The following DBP variants were observed in gnomAD, a reference collection of about 807,000 sequenced individuals.
DBP encodes D-box binding PAR bZIP transcription factor.
In DBP, 12 loss-of-function variants were observed where a neutral mutation model predicts 21.4. The observed-to-expected ratio is 0.56, with a 90% CI of 0.36 to 0.91. The LOEUF is 0.91. DBP is among the 40% of genes least tolerant of loss of function. The pLI is 0.01. For missense variants in DBP, 423 were observed against 473.4 expected (o/e 0.89, Z 0.99); for synonymous variants, 213 against 224.9 (o/e 0.95, Z 0.47).
intron 2 of DBP, chr19:48,635,302 C>T: frequency 1.6e-6 from 2 of 1,252,390 alleles, no homozygotes; most frequent in South Asian, 1.6e-5. Flanking sequence ...GTATCCACAT[C>T]GTTTGTCCCC....
At chr19:48,633,825 G>T (rs2030684720) in intron 2 of DBP, 170 bp from the exon 3 acceptor site, 1 of 633,912 alleles carries the variant, frequency 1.6e-6, no homozygotes, top group African/African-American at 1.8e-5. Flanking sequence ...CCTTGGCCAG[G>T]CGCAGTGGCT....
intron 2 of DBP, chr19:48,634,240 G>A (rs1006308334): frequency 5.1e-5 from 8 of 157,338 alleles, no homozygotes; most frequent in Non-Finnish European, 8.5e-5. Context: ...CACGAATCAG[G>A]GCTATTGCTT....
In DBP at chr19:48,637,021, G is replaced by A; in HGVS notation, c.-27C>T. ...GCCTGGCACCTGCCCCCAGGCTCAC[G>A]GGTTCATGGAGAGGCGAAGGGCTGG... On this transcript the variant is annotated 5_prime_UTR_variant, in exon 1 of 4. Coordinates refer to ENST00000222122, the MANE Select transcript of DBP (RefSeq NM_001352.5). 1 of 1,466,252 alleles carries A rather than the reference G, an allele frequency of 6.8e-7. No individual in the cohort carries two copies. 90.8% of individuals were successfully genotyped at this position (1,466,252 alleles called of 1,614,324 possible). A position where few individuals can be genotyped will look rare whatever the true frequency, so the allele number is the denominator to read the frequency against.
chr19:48,636,649 C>A (rs2030813766), intron 1 of DBP, among the ~76,000 whole-genome samples: 1 of 152,052 alleles, frequency 6.6e-6, no homozygotes, highest in South Asian at 2.1e-4. Context: ...GTGCCTGGGT[C>A]CTTAGGGTGG....
chr19:48,632,526 A>C (rs1245542752), intron 3 of DBP: 1 of 152,178 alleles, frequency 6.6e-6, no homozygotes, highest in African/African-American at 2.4e-5. Context: ...CAGCCTCCTA[A>C]AGTGCTAGGA....
chr19:48,633,239 GC>G (rs1304465919), intron 3 of DBP: 2 of 651,824 alleles, frequency 3.1e-6, no homozygotes, highest in African/African-American at 3.6e-5. Flanking sequence ...GAGGCCCCTC[GC>G]CCAGTTGACA....
intron 3 of DBP, 65 bp downstream of exon 3, chr19:48,633,379 G>A (rs1276627857): frequency 9.3e-6 from 14 of 1,497,874 alleles, no homozygotes; most frequent in Non-Finnish European, 1.3e-5. Flanking sequence ...TGTGAGAAAA[G>A]GCCCCTCCCT....
Position 48,630,201 on chromosome 19 carries a change from C to T in DBP, c.*636G>A, listed in dbSNP as rs955341357. ...GCCCGCAGCCTCGCCCCATCCACTC[C>T]GGTGCCTCCATTTAGCTGGCCAATC... On this transcript the variant is annotated 3_prime_UTR_variant, in exon 4 of 4. Coordinates refer to ENST00000222122, the MANE Select transcript of DBP (RefSeq NM_001352.5). This position sits in a 1 kb window ranked among gnomAD's most constrained non-coding sequence, Gnocchi z 4.9. 1.4e-5 allele frequency: 17 copies of T among 1,254,786 alleles called. No homozygotes were observed. Among genetic ancestry groups the T allele is most frequent in the Middle Eastern group, 3.1e-4 (1 of 3,248 alleles). The allele number at this position is 1,254,786 out of a possible 1,614,324, so 77.7% of individuals were successfully genotyped here. A position where few individuals can be genotyped will look rare whatever the true frequency, so the allele number is the denominator to read the frequency against.
chr19:48,634,703 C>T (rs2030719400), intron 2 of DBP: 4 of 985,478 alleles, frequency 4.1e-6, no homozygotes, highest in African/African-American at 1.7e-5. Context: ...ACTCACGTGG[C>T]GCAGGAATGT....
chr19:48,630,728 C>A lies in DBP; in HGVS notation c.*109G>T. 7.0e-7 allele frequency: 1 copy of A among 1,422,790 alleles called. No individual in the cohort carries two copies. Among genetic ancestry groups the A allele is most frequent in the Admixed American group, 2.4e-5 (1 of 41,280 alleles). 88.1% of individuals were successfully genotyped at this position (1,422,790 alleles called of 1,614,324 possible). A position where few individuals can be genotyped will look rare whatever the true frequency, so the allele number is the denominator to read the frequency against. Reference sequence around the variant, plus strand: ...ATGTATTTATCTGCATTATCACGTCCCTGGGGCACCCAGCTGGCCGGCCCG... The same window carrying A: ...ATGTATTTATCTGCATTATCACGTCACTGGGGCACCCAGCTGGCCGGCCCG... On this transcript the variant is annotated 3_prime_UTR_variant, in exon 4 of 4. Coordinates refer to ENST00000222122, the MANE Select transcript of DBP (RefSeq NM_001352.5). The surrounding 1 kb of genome is among the most constrained non-coding windows in gnomAD (Gnocchi z 4.9).
At chr19:48,631,282 C>G in intron 3 of DBP, 2 of 567,110 alleles carry the variant, frequency 3.5e-6, no homozygotes, top group East Asian at 2.9e-5. Context: ...AGTCTCCACT[C>G]TGCAAAGCGG....
chr19:48,634,494 G>A (rs964876869), intron 2 of DBP: 6 of 160,098 alleles, frequency 3.7e-5, no homozygotes, highest in Admixed American at 1.3e-4. Flanking sequence ...TGGTTCGAAA[G>A]GAGGCGCCTG....
intron 3 of DBP, chr19:48,633,237 T>A (rs373935391): frequency 7.7e-6 from 5 of 648,348 alleles, no homozygotes; most frequent in African/African-American, 7.2e-5. Flanking sequence ...GTGAGGCCCC[T>A]CGCCCAGTTG....
At chr19:48,633,333 C>A in intron 3 of DBP, 111 bp downstream of exon 3, 1 of 1,142,284 alleles carries the variant, frequency 8.8e-7, no homozygotes, top group Non-Finnish European at 1.3e-6. Flanking sequence ...CCAGGAGAGG[C>A]TGAGCACTAA....
chr19:48,630,875 C>T lies in DBP; in HGVS notation c.940G>A (p.Val314Met), dbSNP rs1273297312. ...TGCTGGGCCTGGTATCGGGACAGCA[C>T]GGCGCGGTAGTGGGACAGCTCCTGG... ...VRQELSHYRA[V>M]LSRYQAQHGA... is the part of the protein sequence containing the mutation. Residue 314 changes from valine (V) to methionine (M), a missense_variant, in exon 4 of 4, where the codon GTG (valine) becomes ATG (methionine). Physicochemically the swap from Val to Met is conservative, Grantham distance 21. Coordinates refer to ENST00000222122, the MANE Select transcript of DBP (RefSeq NM_001352.5). This position sits in a 1 kb window ranked among gnomAD's most constrained non-coding sequence, Gnocchi z 4.9. 1 of 1,606,656 alleles carries T rather than the reference C, an allele frequency of 6.2e-7. No homozygotes were observed. The highest frequency in any genetic ancestry group is 1.7e-5 in the Admixed American group (1 of 59,100).
intron 2 of DBP, 179 bp downstream of exon 2, chr19:48,635,401 G>A (rs1252514754): frequency 2.8e-6 from 4 of 1,422,458 alleles, no homozygotes; most frequent in Non-Finnish European, 3.6e-6. Flanking sequence ...GGATCCATTG[G>A]TCCCTGACCC....
chr19:48,636,446 C>T (rs1378085552), intron 1 of DBP, among the ~76,000 whole-genome samples: 1 of 152,002 alleles, frequency 6.6e-6, no homozygotes, highest in African/African-American at 2.4e-5. Context: ...GGGCTCTATT[C>T]CTGGGGCACA....
Position 48,630,035 on chromosome 19 carries a change from G to A in DBP, c.*802C>T. ...CGTCTGATCTGGGGCCGCCCTTACG[G>A]GGCAGGGCTCAGTCCTGACGCTTGC... On this transcript the variant is annotated 3_prime_UTR_variant, in exon 4 of 4. Coordinates refer to ENST00000222122, the MANE Select transcript of DBP (RefSeq NM_001352.5). The surrounding 1 kb of genome is among the most constrained non-coding windows in gnomAD (Gnocchi z 4.9). The A allele has an allele frequency of 7.5e-7, 1 of 1,340,336 alleles. No individual in the cohort carries two copies. The highest frequency in any genetic ancestry group is 9.5e-7 in the Non-Finnish European group (1 of 1,047,946). 83.0% of individuals were successfully genotyped at this position (1,340,336 alleles called of 1,614,324 possible). A position where few individuals can be genotyped will look rare whatever the true frequency, so the allele number is the denominator to read the frequency against.
intron 3 of DBP, 144 bp from the exon 4 acceptor site, chr19:48,631,196 G>T: frequency 3.0e-6 from 2 of 676,672 alleles, no homozygotes; most frequent in Non-Finnish European, 4.9e-6. Flanking sequence ...CTAGGGCCCT[G>T]GTTGCTAAGG....
Sources: gnomAD v4.1 joint callset for allele counts (sites outside exome capture counted in the v4.1 genomes callset) on GRCh38, gnomAD v4.1.1 for gene constraint, Gnocchi (gnomAD v3.1) non-coding constraint, MANE v1.5 for transcripts, NCBI Gene and HGNC (gene_info 2026-07-23, HGNC 2026-07-21) for gene names.